AFG2A: variants seen among roughly 807,000 people sequenced by gnomAD.
AFG2A encodes the protein AAA ATPase AFG2A, also known as ATPase family gene 2 protein homolog A.
the AFG2A span, among the ~76,000 whole-genome samples, chr4:123,261,187 CT>C: frequency 2.0e-5 from 3 of 152,118 alleles, no homozygotes; most frequent in Non-Finnish European, 4.4e-5. Context: ...CCTACTTTTC[CT>C]GCCTAATCAG....
chr4:123,067,979 T>C, the AFG2A span, among the ~76,000 whole-genome samples: 1 of 152,192 alleles, frequency 6.6e-6, no homozygotes, highest in Non-Finnish European at 1.5e-5. Flanking sequence ...CCCTTTGATC[T>C]GTGGTCCTAT....
At chr4:123,102,313 GA>G in the AFG2A span, 3 of 109,846 alleles carry the variant, frequency 2.7e-5, no homozygotes, top group Non-Finnish European at 5.9e-5. Context: ...AAAAAAAAAA[GA>G]AAAAGCAATC....
the AFG2A span, among the ~76,000 whole-genome samples, chr4:123,306,759 G>A: frequency 2.6e-5 from 4 of 152,314 alleles, no homozygotes; most frequent in African/African-American, 9.6e-5. Context: ...GTTTCACCCT[G>A]TTGGCCAGGC....
At chr4:122,963,307 G>A in the AFG2A span, among the ~76,000 whole-genome samples, 1 of 152,140 alleles carries the variant, frequency 6.6e-6, no homozygotes, top group Non-Finnish European at 1.5e-5. Flanking sequence ...TCAAAGGTTG[G>A]GTTGTTAAAA....
At chr4:123,209,586 A>ATTTTT in the AFG2A span, among the ~76,000 whole-genome samples, 470 of 116,240 alleles carry the variant, frequency 4.0e-3, 8 homozygotes, top group African/African-American at 0.014. Flanking sequence ...TGCATCAAGA[A>ATTTTT]TTTTTTTTTT....
At chr4:123,261,247 TTG>T in the AFG2A span, among the ~76,000 whole-genome samples, 1 of 152,176 alleles carries the variant, frequency 6.6e-6, no homozygotes, top group Admixed American at 6.5e-5. Context: ...TCTACTATAT[TTG>T]AGATCTTCTT....
At chr4:123,106,507 C>A in the AFG2A span, among the ~76,000 whole-genome samples, 4 of 150,718 alleles carry the variant, frequency 2.7e-5, no homozygotes, top group African/African-American at 1.0e-4. Context: ...CCAAACCACC[C>A]TAAAAAAAAT....
the AFG2A span, among the ~76,000 whole-genome samples, chr4:123,029,222 C>T: frequency 0.012 from 1,832 of 152,176 alleles, 40 homozygotes; most frequent in African/African-American, 0.041. Flanking sequence ...CTCAGCCTCC[C>T]GAATAGCTGG....
chr4:123,161,531 C>G, the AFG2A span, among the ~76,000 whole-genome samples: 1 of 151,954 alleles, frequency 6.6e-6, no homozygotes, highest in African/African-American at 2.4e-5. Flanking sequence ...GACATGAAAG[C>G]AAGGAATGTA....
the AFG2A span, among the ~76,000 whole-genome samples, chr4:123,184,532 C>CTTTTTTTTTTTTTTT: frequency 1.1e-5 from 1 of 89,280 alleles, no homozygotes; most frequent in African/African-American, 4.5e-5. Flanking sequence ...ATGATCATTT[C>CTTTTTTTTTTTTTTT]TTTTTTTTTT....
chr4:123,113,326 G>A, the AFG2A span, among the ~76,000 whole-genome samples: 9 of 152,124 alleles, frequency 5.9e-5, no homozygotes, highest in Admixed American at 4.6e-4. Flanking sequence ...CTGCTAATAG[G>A]ATAGGAGAAA....
At chr4:123,284,257 A>G in the AFG2A span, among the ~76,000 whole-genome samples, 2 of 151,988 alleles carry the variant, frequency 1.3e-5, no homozygotes, top group African/African-American at 4.8e-5. Context: ...TTTTTAACCT[A>G]TTTGCAGACA....
chr4:123,166,581 A>C, the AFG2A span, among the ~76,000 whole-genome samples: 1 of 152,170 alleles, frequency 6.6e-6, no homozygotes, highest in Admixed American at 6.6e-5. Context: ...TACTTTTGAT[A>C]GGGGATGCTA....
At chr4:123,125,303 AG>A in the AFG2A span, among the ~76,000 whole-genome samples, 2 of 152,168 alleles carry the variant, frequency 1.3e-5, no homozygotes, top group Non-Finnish European at 2.9e-5. Flanking sequence ...CTTCCAGATG[AG>A]CTTGGAAACT....
At chr4:123,016,185 G>A in the AFG2A span, among the ~76,000 whole-genome samples, 28 of 111,762 alleles carry the variant, frequency 2.5e-4, no homozygotes, top group Admixed American at 1.8e-3. Context: ...CCTCCCTCCC[G>A]GACGGGGCGG....
At chr4:122,949,810 C>A in the AFG2A span, among the ~76,000 whole-genome samples, 1 of 152,178 alleles carries the variant, frequency 6.6e-6, no homozygotes, top group African/African-American at 2.4e-5. Context: ...TCCCCTTGCA[C>A]AAGGGAGGAC....
the AFG2A span, among the ~76,000 whole-genome samples, chr4:122,973,654 A>G: frequency 6.6e-6 from 1 of 152,058 alleles, no homozygotes; most frequent in African/African-American, 2.4e-5. Context: ...GGGTACATTA[A>G]GTTGTGCTAT....
chr4:123,016,726 C>T, the AFG2A span, among the ~76,000 whole-genome samples: 20 of 150,290 alleles, frequency 1.3e-4, no homozygotes, highest in Middle Eastern at 3.5e-3. Flanking sequence ...GGGTGGCGGC[C>T]GGGCAGAGGC....
the AFG2A span, among the ~76,000 whole-genome samples, chr4:123,226,748 T>A: frequency 1.3e-5 from 2 of 152,234 alleles, no homozygotes; most frequent in Non-Finnish European, 2.9e-5. Context: ...AAGGATTCCC[T>A]CTCTTCCTGT....
Sources: gnomAD v4.1 joint callset for allele counts (sites outside exome capture counted in the v4.1 genomes callset) on GRCh38, gnomAD v4.1.1 for gene constraint, MANE v1.5 for transcripts, NCBI Gene and HGNC (gene_info 2026-07-23, HGNC 2026-07-21) for gene names.